NEK1: variants seen among roughly 807,000 people sequenced by gnomAD.
The protein encoded by NEK1 is NIMA related kinase 1.
A neutral mutation model predicts 182.1 loss-of-function variants in NEK1; 137 were observed. The observed-to-expected ratio is 0.75, with a 90% CI of 0.65 to 0.87. The LOEUF is 0.87. Ranked by LOEUF, NEK1 falls within the 40% of genes least tolerant of loss-of-function variation. NEK1 has a pLI of 0.00. For synonymous variants in NEK1, 513 were observed against 492.2 expected, an observed-to-expected ratio of 1.04 and a Z score of -0.56; for missense variants, 1,391 against 1,494.4, an observed-to-expected ratio of 0.93 and a Z score of 1.14.
intron 2 of NEK1, among the ~76,000 whole-genome samples, chr4:169,606,410 T>C (rs1771345981): frequency 6.6e-6 from 1 of 151,744 alleles, no homozygotes; most frequent in South Asian, 2.1e-4. Flanking sequence ...AGCAACTGAC[T>C]TAGGAGAATA....
chr4:169,460,857 A>T (rs1288311968), intron 27 of NEK1, among the ~76,000 whole-genome samples: 1 of 152,160 alleles, frequency 6.6e-6, no homozygotes, highest in Non-Finnish European at 1.5e-5. Context: ...ATCGACCCTC[A>T]CAAATAAAGT....
intron 23 of NEK1, among the ~76,000 whole-genome samples, chr4:169,491,870 G>T (rs1022606178): frequency 1.2e-4 from 18 of 152,206 alleles, no homozygotes; most frequent in African/African-American, 4.3e-4. Flanking sequence ...AAATAATTGT[G>T]AGGAGGGTAA....
At chr4:169,574,484 A>C (rs1054831826) in intron 12 of NEK1, among the ~76,000 whole-genome samples, 1 of 152,070 alleles carries the variant, frequency 6.6e-6, no homozygotes, top group Non-Finnish European at 1.5e-5. Context: ...CTGTAGTCCC[A>C]CAGTCCCAGC....
At chr4:169,484,753 A>G (rs549185267) in intron 23 of NEK1, among the ~76,000 whole-genome samples, 1 of 152,324 alleles carries the variant, frequency 6.6e-6, no homozygotes, top group East Asian at 1.9e-4. Flanking sequence ...TTGTACATTC[A>G]AATCCCAAAA....
chr4:169,559,005 GAATA>G (rs1206686448), intron 16 of NEK1, among the ~76,000 whole-genome samples: 2 of 152,158 alleles, frequency 1.3e-5, no homozygotes, highest in South Asian at 2.1e-4. Context: ...ATTCAATGAG[GAATA>G]AATATAGAAA....
At position 169,547,976 on chromosome 4, in the gene NEK1, T is replaced by C. The variant is rs190244761; in HGVS notation, c.1562+7744A>G. ...ACCTCCTGAAGCCTACTTCTGTCAA[T>C]TCATCAAACTCATTCTCTGTCCAGT... On this transcript the variant is annotated intron_variant, in intron 18 of 35. Transcript: ENST00000507142. 8.6e-4 allele frequency among the ~76,000 whole-genome samples: 131 copies of C among 152,302 alleles called. 1 individual carries two copies. The highest frequency in any genetic ancestry group is 3.1e-3 in the African/African-American group (129 of 41,574).
intron 31 of NEK1, among the ~76,000 whole-genome samples, chr4:169,414,955 A>G (rs1734285790): frequency 1.3e-5 from 2 of 152,208 alleles, no homozygotes. Flanking sequence ...TAACCAAACT[A>G]GAGTCTGAGT....
chr4:169,584,469 G>A (rs188764670), intron 10 of NEK1, among the ~76,000 whole-genome samples: 105 of 152,022 alleles, frequency 6.9e-4, no homozygotes, highest in African/African-American at 2.4e-3. Flanking sequence ...AAAATTAACT[G>A]GGCATGGTGA....
At chr4:169,444,540 AG>A (rs1321468097) in intron 27 of NEK1, among the ~76,000 whole-genome samples, 3 of 152,164 alleles carry the variant, frequency 2.0e-5, no homozygotes, top group African/African-American at 7.2e-5. Context: ...ATAATGATGA[AG>A]GGAAAAATTA....
At chr4:169,611,128 T>C (rs1772255715) in intron 2 of NEK1, among the ~76,000 whole-genome samples, 1 of 152,226 alleles carries the variant, frequency 6.6e-6, no homozygotes, top group South Asian at 2.1e-4. Flanking sequence ...TGTTCATGAC[T>C]TAGACTAGAA....
chr4:169,589,593 A>C (rs966945252), intron 6 of NEK1, 79 bp from the exon 7 acceptor site: 18 of 949,360 alleles, frequency 1.9e-5, no homozygotes, highest in Non-Finnish European at 2.5e-5. Context: ...CATAAAATTT[A>C]AAATCCAGTT....
intron 23 of NEK1, among the ~76,000 whole-genome samples, chr4:169,481,398 AT>A (rs1357615321): frequency 6.6e-6 from 1 of 152,224 alleles, no homozygotes; most frequent in Non-Finnish European, 1.5e-5. Context: ...ACCATTATCT[AT>A]GGCTACAGCC....
chr4:169,452,234 G>C (rs1579763579), intron 27 of NEK1, among the ~76,000 whole-genome samples: 1 of 152,160 alleles, frequency 6.6e-6, no homozygotes, highest in African/African-American at 2.4e-5. Context: ...AATTCTACCA[G>C]AGGTACAAAG....
chr4:169,598,841 T>G (rs1230630411), intron 5 of NEK1, among the ~76,000 whole-genome samples: 1 of 152,128 alleles, frequency 6.6e-6, no homozygotes, highest in Non-Finnish European at 1.5e-5. Flanking sequence ...AATGAATAAT[T>G]AAGGCATATA....
chr4:169,431,217 A>G (rs1364251512), intron 29 of NEK1, among the ~76,000 whole-genome samples: 1 of 152,184 alleles, frequency 6.6e-6, no homozygotes, highest in Non-Finnish European at 1.5e-5. Flanking sequence ...AATATTAAGC[A>G]AGACTAAAAC....
chr4:169,491,301 C>G (rs1167087064), intron 23 of NEK1, among the ~76,000 whole-genome samples: 2 of 151,920 alleles, frequency 1.3e-5, no homozygotes, highest in Non-Finnish European at 2.9e-5. Context: ...GAGGTCCTCA[C>G]CAAGGCACTT....
At chr4:169,454,874 C>A (rs184978729) in intron 27 of NEK1, among the ~76,000 whole-genome samples, 1 of 152,270 alleles carries the variant, frequency 6.6e-6, no homozygotes, top group African/African-American at 2.4e-5. Flanking sequence ...AAGACACATG[C>A]ACATGTATGT....
In NEK1 at chr4:169,424,548, C is replaced by T; in HGVS notation, c.3222+5G>A. The T allele has an allele frequency of 6.3e-7, 1 of 1,579,086 alleles. No individual in the cohort carries two copies. The highest frequency in any genetic ancestry group is 8.6e-7 in the Non-Finnish European group (1 of 1,158,344). On this transcript the variant is annotated splice_donor_5th_base_variant and intron_variant, in intron 31 of 35. Coordinates refer to ENST00000507142, the MANE Select transcript of NEK1 (RefSeq NM_001199397.3). ...TAATATTTTCCACTTGAGGACCATA[C>T]TTGCCTTTGGGTTGTTTGCATCAAA...
At chr4:169,586,038 T>C (rs937729361) in intron 9 of NEK1, among the ~76,000 whole-genome samples, 1 of 152,134 alleles carries the variant, frequency 6.6e-6, no homozygotes, top group Non-Finnish European at 1.5e-5. Context: ...CTATTATGTG[T>C]GCGTGTGATG....
Sources: gnomAD v4.1 joint callset for allele counts (sites outside exome capture counted in the v4.1 genomes callset) on GRCh38, gnomAD v4.1.1 for gene constraint, MANE v1.5 for transcripts, NCBI Gene and HGNC (gene_info 2026-07-23, HGNC 2026-07-21) for gene names.